The following PFDN2 variants were observed in gnomAD, a reference collection of about 807,000 sequenced individuals.
PFDN2 encodes prefoldin subunit 2, also known as prefoldin 2.
PFDN2 carries 7 observed loss-of-function variants against 18.3 expected under a neutral mutation model. The observed-to-expected ratio is 0.38, with a 90% CI of 0.22 to 0.72. PFDN2 has a LOEUF of 0.72. Ranked by LOEUF, PFDN2 falls within the 30% of genes least tolerant of loss-of-function variation. PFDN2 has a pLI of 0.47. For missense variants in PFDN2, 181 were observed against 199.1 expected, an observed-to-expected ratio of 0.91 and a Z score of 0.55; for synonymous variants, 76 against 75.0, an observed-to-expected ratio of 1.01 and a Z score of -0.07.
chr1:161,102,754 T>C (rs1216273813), intron 1 of PFDN2, among the ~76,000 whole-genome samples: 3 of 151,932 alleles, frequency 2.0e-5, no homozygotes, highest in Non-Finnish European at 2.9e-5. Context: ...GGTCAAGAAA[T>C]TGAGACCATC....
intron 1 of PFDN2, 133 bp downstream of exon 1, chr1:161,117,819 G>C: frequency 3.7e-6 from 3 of 811,678 alleles, no homozygotes; most frequent in Non-Finnish European, 5.7e-6. Context: ...TAGCTTTTCC[G>C]GGGACCCTTC....
chr1:161,104,627 C>G (rs778897547), intron 1 of PFDN2, among the ~76,000 whole-genome samples: 1 of 151,846 alleles, frequency 6.6e-6, no homozygotes, highest in Admixed American at 6.6e-5. Context: ...CAGGATCTTA[C>G]TATGTTGCTC....
At chr1:161,117,043 G>A (rs1442809113) in intron 1 of PFDN2, among the ~76,000 whole-genome samples, 1 of 151,794 alleles carries the variant, frequency 6.6e-6, no homozygotes, top group Non-Finnish European at 1.5e-5. Context: ...GACCAGCCTG[G>A]CCAATATGGT....
chr1:161,116,284 G>A (rs1355095004), intron 1 of PFDN2, among the ~76,000 whole-genome samples: 1 of 152,194 alleles, frequency 6.6e-6, no homozygotes, highest in Admixed American at 6.5e-5. Context: ...GGGAGGCCAA[G>A]GCAGGCGGAT....
rs192480222 is a variant in PFDN2, at chr1:161,114,513, C to T, written c.75+3439G>A. On this transcript the variant is annotated intron_variant, in intron 1 of 3. Coordinates refer to ENST00000368010, the MANE Select transcript of PFDN2 (RefSeq NM_012394.4). ...TTCCTTCTTTGCTTGACTAACTTCTCTCATCCTTTAGAATTGAGCTGAAGG... is the reference window on the plus strand; with the variant it reads ...TTCCTTCTTTGCTTGACTAACTTCTTTCATCCTTTAGAATTGAGCTGAAGG... 2.7e-3 allele frequency among the ~76,000 whole-genome samples: 418 copies of T among 152,326 alleles called. 1 individual carries two copies. The highest frequency in any genetic ancestry group is 4.5e-3 in the Admixed American group (69 of 15,300).
Position 161,102,344 on chromosome 1 carries a change from T to G in PFDN2, c.107A>C (p.Glu36Ala). The change falls in exon 2 of 4, where the codon GAA becomes GCA. Residue 36 changes from glutamate to alanine, a missense_variant. Glu to Ala is a moderately radical substitution (Grantham distance 107). Coordinates refer to ENST00000368010, the MANE Select transcript of PFDN2 (RefSeq NM_012394.4). ...VIAGFNRLRQ[E>A]QRGLASKAAE... ...TGCTTTGGATGCCAGGCCTCGCTGT[T>G]CCTGCCGAAGGCGGTTGAAGCCAGC... 6.2e-7 allele frequency: 1 copy of G among 1,614,186 alleles called. No individual in the cohort carries two copies. The highest frequency in any genetic ancestry group is 1.1e-5 in the South Asian group (1 of 91,084).
At chr1:161,112,960 G>A (rs1267025255) in intron 1 of PFDN2, among the ~76,000 whole-genome samples, 1 of 151,206 alleles carries the variant, frequency 6.6e-6, no homozygotes, top group African/African-American at 2.4e-5. Flanking sequence ...AGACAAAGGA[G>A]GGGGGAAAAA....
intron 1 of PFDN2, among the ~76,000 whole-genome samples, chr1:161,107,424 CAAAA>C (rs34132641): frequency 5.9e-5 from 4 of 68,304 alleles, no homozygotes; most frequent in African/African-American, 1.2e-4. Flanking sequence ...GACTCTGTCT[CAAAA>C]AAAAAAAAAA....
chr1:161,101,934 T>C, intron 3 of PFDN2, 114 bp downstream of exon 3: 3 of 1,001,626 alleles, frequency 3.0e-6, no homozygotes, highest in Non-Finnish European at 4.5e-6. Flanking sequence ...GGTTTCACCA[T>C]GTTGCCCAGG....
At chr1:161,110,790 T>C (rs1248899440) in intron 1 of PFDN2, among the ~76,000 whole-genome samples, 6 of 151,340 alleles carry the variant, frequency 4.0e-5, no homozygotes, top group African/African-American at 1.5e-4. Context: ...CTCCATCAAA[T>C]AATAGTACTC....
chr1:161,114,511 C>T (rs1383284026), intron 1 of PFDN2, among the ~76,000 whole-genome samples: 1 of 152,232 alleles, frequency 6.6e-6, no homozygotes, highest in African/African-American at 2.4e-5. Context: ...TGACTAACTT[C>T]TCTCATCCTT....
chr1:161,117,412 G>A (rs551788805), intron 1 of PFDN2, among the ~76,000 whole-genome samples: 1 of 152,266 alleles, frequency 6.6e-6, no homozygotes, highest in Non-Finnish European at 1.5e-5. Context: ...TGCAAACTCG[G>A]ATTAGAAAGG....
intron 1 of PFDN2, among the ~76,000 whole-genome samples, chr1:161,105,398 G>A (rs1356205043): frequency 6.6e-6 from 1 of 152,134 alleles, no homozygotes; most frequent in African/African-American, 2.4e-5. Context: ...TTACACGCAG[G>A]AGCTACCATG....
intron 1 of PFDN2, among the ~76,000 whole-genome samples, chr1:161,112,180 A>C (rs1304687651): frequency 1.3e-5 from 2 of 152,362 alleles, no homozygotes; most frequent in African/African-American, 4.8e-5. Context: ...CACCAATAAA[A>C]TACAGATAAT....
At position 161,100,679 on chromosome 1, in the gene PFDN2, G is replaced by T; in HGVS notation, c.*4C>A. 6.2e-6 allele frequency: 10 copies of T among 1,605,740 alleles called. No homozygotes were observed. The highest frequency in any genetic ancestry group is 8.5e-6 in the Non-Finnish European group (10 of 1,175,636). On this transcript the variant is annotated 3_prime_UTR_variant, in exon 4 of 4. Transcript: ENST00000368010. ...GGTAGAAAAAAATGCAAAGGCCTTGGTCCCTAGGAGACCAACACTCCAGCT... is the reference window on the plus strand; with the variant it reads ...GGTAGAAAAAAATGCAAAGGCCTTGTTCCCTAGGAGACCAACACTCCAGCT...
Position 161,118,034 on chromosome 1 carries a change from G to T in PFDN2, c.-8C>A, listed in dbSNP as rs1157309674. The T allele has an allele frequency of 1.2e-6, 2 of 1,610,532 alleles. No individual in the cohort carries two copies. The highest frequency in any genetic ancestry group is 2.2e-5 in the East Asian group (1 of 44,808). ...ACCGCTGTTCTCCGCCATCTTCGCC[G>T]CCTGCTGGGTTTCCGGCCGGCGCAG... On this transcript the variant is annotated 5_prime_UTR_variant, in exon 1 of 4. Transcript: ENST00000368010.
At chr1:161,108,712 C>G (rs1242974864) in intron 1 of PFDN2, among the ~76,000 whole-genome samples, 1 of 152,180 alleles carries the variant, frequency 6.6e-6, no homozygotes. Flanking sequence ...CTGCATGTCG[C>G]TAGAAAGCTC....
At chr1:161,105,520 C>T (rs1181336285) in intron 1 of PFDN2, among the ~76,000 whole-genome samples, 6 of 150,900 alleles carry the variant, frequency 4.0e-5, no homozygotes, top group Admixed American at 6.6e-5. Flanking sequence ...TGCAGTGGCG[C>T]GATCTCAGCT....
At chr1:161,106,631 TTTC>T (rs1654682503) in intron 1 of PFDN2, among the ~76,000 whole-genome samples, 1 of 152,144 alleles carries the variant, frequency 6.6e-6, no homozygotes, top group Non-Finnish European at 1.5e-5. Flanking sequence ...ATTTTTTTCT[TTTC>T]TTCTTTAGAC....
Sources: gnomAD v4.1 joint callset for allele counts (sites outside exome capture counted in the v4.1 genomes callset) on GRCh38, gnomAD v4.1.1 for gene constraint, MANE v1.5 for transcripts, NCBI Gene and HGNC (gene_info 2026-07-23, HGNC 2026-07-21) for gene names.